Variants in SGCD observed in about 807,000 individuals in gnomAD.
SGCD encodes delta-sarcoglycan.
Under a neutral mutation model 36.6 loss-of-function variants are expected in SGCD, and 18 were observed. That is an observed-to-expected ratio of 0.49 (90% confidence interval 0.34 to 0.73). The LOEUF (loss-of-function observed/expected upper bound fraction) is 0.73, where lower values mean the gene tolerates loss of function less well. SGCD is among the 30% of genes least tolerant of loss of function. SGCD has a pLI of 0.01. For synonymous variants in SGCD, 133 were observed against 130.6 expected (o/e 1.02, Z -0.12); for missense variants, 387 against 346.7 (o/e 1.12, Z -0.92).
chr5:156,565,814 G>C (rs544540283), intron 4 of SGCD, among the ~76,000 whole-genome samples: 9 of 152,050 alleles, frequency 5.9e-5, no homozygotes, highest in African/African-American at 1.7e-4. Context: ...TTCTGTTTCT[G>C]TGTTAGCTTG....
At chr5:155,907,230 T>TA (rs541540985) in intron 1 of SGCD, among the ~76,000 whole-genome samples, 1,635 of 148,338 alleles carry the variant, frequency 0.011, 28 homozygotes, top group African/African-American at 0.037. Context: ...AAGAGATTAT[T>TA]AAAAAAAAAA....
chr5:156,725,462 T>C (rs991532114), intron 7 of SGCD, among the ~76,000 whole-genome samples: 4 of 152,120 alleles, frequency 2.6e-5, no homozygotes. Context: ...CTTATGGAAA[T>C]GTATGAGGAG....
chr5:156,286,494 A>G (rs1332905158), intron 3 of SGCD, among the ~76,000 whole-genome samples: 1 of 152,238 alleles, frequency 6.6e-6, no homozygotes, highest in Admixed American at 6.5e-5. Context: ...CTATGCAGCC[A>G]TAGAAAAGGA....
intron 7 of SGCD, among the ~76,000 whole-genome samples, chr5:156,752,653 C>G (rs1266759423): frequency 1.3e-5 from 2 of 152,208 alleles, no homozygotes; most frequent in Non-Finnish European, 2.9e-5. Context: ...CTTGGCCTCC[C>G]AAAGTGCTGG....
At chr5:156,438,170 T>C (rs948234037) in intron 3 of SGCD, among the ~76,000 whole-genome samples, 13 of 152,134 alleles carry the variant, frequency 8.5e-5, no homozygotes, top group Non-Finnish European at 1.3e-4. Context: ...TGGAAAACCA[T>C]AAATGAGTTA....
the SGCD span, among the ~76,000 whole-genome samples, chr5:155,762,326 T>C: frequency 2.0e-5 from 3 of 152,268 alleles, no homozygotes; most frequent in Admixed American, 2.0e-4. Context: ...GAAATTATGG[T>C]TAATGCATCT....
In SGCD at chr5:156,292,167, C is replaced by T. The variant is rs142573118; in HGVS notation, c.-43-37367C>T. 8.5e-5 allele frequency among the ~76,000 whole-genome samples: 13 copies of T among 152,186 alleles called. No individual in the cohort carries two copies. In the East Asian group the frequency reaches 2.3e-3, roughly 27 times the overall value. ...TCTATCCTAACCATTTTTAAGTGTA[C>T]ACTTCATTGATATTAAGTACATTTA... On this transcript the variant is annotated intron_variant, in intron 3 of 9. Transcript: ENST00000517913.
At chr5:156,753,789 C>A (rs1232166591) in intron 7 of SGCD, among the ~76,000 whole-genome samples, 1 of 152,096 alleles carries the variant, frequency 6.6e-6, no homozygotes, top group African/African-American at 2.4e-5. Flanking sequence ...GGGGTAACCA[C>A]CCCCATGATT....
At chr5:155,845,968 T>C in the SGCD span, among the ~76,000 whole-genome samples, 1 of 152,204 alleles carries the variant, frequency 6.6e-6, no homozygotes, top group South Asian at 2.1e-4. Context: ...AGGTTTGCTT[T>C]TTTAAATTTC....
chr5:156,436,520 T>G (rs1053650677), intron 3 of SGCD, among the ~76,000 whole-genome samples: 1 of 152,164 alleles, frequency 6.6e-6, no homozygotes, highest in African/African-American at 2.4e-5. Flanking sequence ...GTTATAATAT[T>G]GTGGAAGCTA....
At chr5:156,254,490 G>A (rs1765663741) in intron 3 of SGCD, among the ~76,000 whole-genome samples, 1 of 152,102 alleles carries the variant, frequency 6.6e-6, no homozygotes, top group Admixed American at 6.5e-5. Flanking sequence ...CTGTATATGA[G>A]TGTTACATTG....
intron 6 of SGCD, among the ~76,000 whole-genome samples, chr5:156,638,636 A>G (rs6877490): frequency 0.14 from 20,720 of 152,100 alleles, 1,620 homozygotes; most frequent in African/African-American, 0.21. Context: ...GTGCAGTTTT[A>G]TTTACTATCA....
At chr5:156,185,376 G>A (rs927482113) in intron 3 of SGCD, among the ~76,000 whole-genome samples, 17 of 151,742 alleles carry the variant, frequency 1.1e-4, no homozygotes, top group African/African-American at 3.1e-4. Context: ...CACCATGCCC[G>A]GCAAATTTTT....
chr5:156,115,579 T>C (rs1017922427), intron 1 of SGCD, among the ~76,000 whole-genome samples: 2 of 152,132 alleles, frequency 1.3e-5, no homozygotes, highest in African/African-American at 4.8e-5. Flanking sequence ...TAATACATCT[T>C]CAATATCAAG....
intron 7 of SGCD, among the ~76,000 whole-genome samples, chr5:156,704,855 G>A (rs1446619293): frequency 6.6e-6 from 1 of 151,098 alleles, no homozygotes; most frequent in Admixed American, 6.6e-5. Context: ...ATGTGGTTAT[G>A]CTCAAAATAC....
At chr5:156,284,236 T>C (rs1766532331) in intron 3 of SGCD, among the ~76,000 whole-genome samples, 2 of 152,096 alleles carry the variant, frequency 1.3e-5, no homozygotes, top group African/African-American at 4.8e-5. Flanking sequence ...CAAATTCTAC[T>C]AGAGCTACAT....
intron 3 of SGCD, among the ~76,000 whole-genome samples, chr5:156,417,769 A>T (rs75451933): frequency 0.032 from 4,796 of 152,216 alleles, 234 homozygotes; most frequent in African/African-American, 0.11. Context: ...ATAGAGGATT[A>T]GTGCTTCAAC....
intron 3 of SGCD, among the ~76,000 whole-genome samples, chr5:156,406,819 T>TACACAC (rs58920671): frequency 9.6e-6 from 1 of 104,314 alleles, no homozygotes; most frequent in Non-Finnish European, 1.9e-5. Context: ...TATATATATA[T>TACACAC]ACACACACAC....
chr5:156,273,974 G>T (rs975544493), intron 3 of SGCD, among the ~76,000 whole-genome samples: 2 of 152,042 alleles, frequency 1.3e-5, no homozygotes, highest in South Asian at 4.1e-4. Context: ...ATCATGTCAC[G>T]CTGGAATACC....
Sources: allele counts gnomAD v4.1 joint callset (sites outside exome capture counted in the v4.1 genomes callset), GRCh38; gene constraint gnomAD v4.1.1; transcripts MANE v1.5; gene names NCBI Gene and HGNC (gene_info 2026-07-23, HGNC 2026-07-21).